GRM5: variants seen among roughly 807,000 people sequenced by gnomAD.
GRM5 encodes the protein metabotropic glutamate receptor 5.
In GRM5, 19 loss-of-function variants were observed where a neutral mutation model predicts 83.1. The observed-to-expected ratio is 0.23, with a 90% CI of 0.16 to 0.34. The LOEUF is 0.34. Among genes scored for constraint, GRM5 ranks in the 10% least tolerant of loss-of-function variants. GRM5 has a pLI of 1.00. For missense variants in GRM5, 1,160 were observed against 1,588.3 expected, an observed-to-expected ratio of 0.73 and a Z score of 4.58; for synonymous variants, 675 against 633.6, an observed-to-expected ratio of 1.07 and a Z score of -0.98.
chr11:88,985,197 C>T (rs909074516), intron 2 of GRM5, among the ~76,000 whole-genome samples: 2 of 152,168 alleles, frequency 1.3e-5, no homozygotes, highest in South Asian at 4.1e-4. Flanking sequence ...TATTTTCATA[C>T]CCACAATCCT....
intron 8 of GRM5, among the ~76,000 whole-genome samples, chr11:88,556,997 C>T (rs752742494): frequency 6.6e-6 from 1 of 152,054 alleles, no homozygotes; most frequent in African/African-American, 2.4e-5. Flanking sequence ...CCTTATTTAT[C>T]AACAGTAACA....
intron 2 of GRM5, among the ~76,000 whole-genome samples, chr11:88,983,864 T>A (rs1028066085): frequency 1.3e-5 from 2 of 152,062 alleles, no homozygotes; most frequent in African/African-American, 4.8e-5. Flanking sequence ...GACAGTGATA[T>A]TTACAGGTCC....
intron 2 of GRM5, among the ~76,000 whole-genome samples, chr11:88,896,471 A>G (rs1945229499): frequency 1.3e-5 from 2 of 148,762 alleles, no homozygotes; most frequent in Non-Finnish European, 3.0e-5. Flanking sequence ...ACAGAGAATC[A>G]GAAGCAATAG....
At chr11:88,591,190 G>C (rs1226417035) in intron 6 of GRM5, among the ~76,000 whole-genome samples, 1 of 152,100 alleles carries the variant, frequency 6.6e-6, no homozygotes, top group East Asian at 1.9e-4. Flanking sequence ...TCTAAAATCT[G>C]TCCATATTGA....
At chr11:89,024,923 G>C (rs1941092916) in intron 2 of GRM5, among the ~76,000 whole-genome samples, 1 of 152,086 alleles carries the variant, frequency 6.6e-6, no homozygotes, top group African/African-American at 2.4e-5. Flanking sequence ...GTAATCAAAT[G>C]AGCTCTACAC....
chr11:89,057,729 T>A (rs1941907805), intron 1 of GRM5, among the ~76,000 whole-genome samples: 6 of 152,166 alleles, frequency 3.9e-5, no homozygotes, highest in Admixed American at 3.9e-4. Context: ...AGGGTATACC[T>A]CTGAAGACTG....
chr11:88,640,235 A>G (rs1396303761), intron 4 of GRM5, among the ~76,000 whole-genome samples: 1 of 152,122 alleles, frequency 6.6e-6, no homozygotes, highest in Non-Finnish European at 1.5e-5. Context: ...TGATCGGGAT[A>G]TTTTACTACA....
chr11:88,870,678 G>A (rs1944750913), intron 2 of GRM5, among the ~76,000 whole-genome samples: 1 of 151,570 alleles, frequency 6.6e-6, no homozygotes, highest in Non-Finnish European at 1.5e-5. Flanking sequence ...GTGTTCCATT[G>A]TGGACACATG....
Position 88,981,175 on chromosome 11 carries a change from A to G in GRM5, c.661+66037T>C, listed in dbSNP as rs183736986. Among the ~76,000 whole-genome samples, 549 of 152,286 alleles carry G rather than the reference A, an allele frequency of 3.6e-3. 1 individual carries two copies. Among genetic ancestry groups the G allele is most frequent in the Non-Finnish European group, 5.9e-3 (404 of 68,030 alleles). ...TGCTTTCTTTCATTTGGCTTCATCA[A>G]TATATGCACGTGTTTGTTCTATGCC... On this transcript the variant is annotated intron_variant, in intron 2 of 9. Transcript: ENST00000305447.
chr11:89,016,250 T>C (rs1940852360), intron 2 of GRM5, among the ~76,000 whole-genome samples: 1 of 149,564 alleles, frequency 6.7e-6, no homozygotes, highest in Admixed American at 6.7e-5. Flanking sequence ...TATTTGTGCT[T>C]ATCTATAACA....
chr11:88,907,898 C>G (rs1320637185), intron 2 of GRM5, among the ~76,000 whole-genome samples: 1 of 152,062 alleles, frequency 6.6e-6, no homozygotes, highest in Non-Finnish European at 1.5e-5. Context: ...TAAATGGTAG[C>G]TTTAAAAACA....
intron 3 of GRM5, among the ~76,000 whole-genome samples, chr11:88,790,731 A>G (rs1244977520): frequency 6.6e-6 from 1 of 152,134 alleles, no homozygotes; most frequent in African/African-American, 2.4e-5. Flanking sequence ...AACAGAGGTA[A>G]TGGTTTGAAA....
chr11:88,741,388 T>C (rs1452924391), intron 3 of GRM5, among the ~76,000 whole-genome samples: 1 of 152,082 alleles, frequency 6.6e-6, no homozygotes, highest in Admixed American at 6.6e-5. Flanking sequence ...AGGCCTACAG[T>C]GATTAGACTT....
At chr11:88,768,459 T>A (rs1942665491) in intron 3 of GRM5, among the ~76,000 whole-genome samples, 1 of 151,836 alleles carries the variant, frequency 6.6e-6, no homozygotes, top group African/African-American at 2.4e-5. Flanking sequence ...GAATGGATAG[T>A]TACTGTTTAA....
intron 2 of GRM5, among the ~76,000 whole-genome samples, chr11:89,042,122 G>A (rs1196066136): frequency 6.6e-6 from 1 of 152,088 alleles, no homozygotes; most frequent in African/African-American, 2.4e-5. Context: ...TTGGCTCACT[G>A]CAACCTCCAC....
chr11:88,878,277 G>A (rs944273518), intron 2 of GRM5, among the ~76,000 whole-genome samples: 10 of 152,128 alleles, frequency 6.6e-5, no homozygotes, highest in African/African-American at 2.4e-4. Flanking sequence ...TTGCATTTTG[G>A]TATTGCAGTT....
intron 9 of GRM5, among the ~76,000 whole-genome samples, chr11:88,513,119 A>G (rs1941425228): frequency 6.6e-6 from 1 of 151,884 alleles, no homozygotes. Flanking sequence ...TTTTACCTTA[A>G]TTGTCTTGTC....
At chr11:88,661,576 G>C (rs1321991002) in intron 3 of GRM5, among the ~76,000 whole-genome samples, 1 of 151,660 alleles carries the variant, frequency 6.6e-6, no homozygotes, top group Non-Finnish European at 1.5e-5. Context: ...CAGATATTTT[G>C]GGATTTTAAA....
intron 3 of GRM5, among the ~76,000 whole-genome samples, chr11:88,680,834 G>T (rs1353027217): frequency 6.6e-6 from 1 of 152,050 alleles, no homozygotes. Context: ...GGTCTAAAAA[G>T]CCCTCTGAAA....
Sources: gnomAD v4.1 joint callset for allele counts (sites outside exome capture counted in the v4.1 genomes callset) on GRCh38, gnomAD v4.1.1 for gene constraint, MANE v1.5 for transcripts, NCBI Gene and HGNC (gene_info 2026-07-23, HGNC 2026-07-21) for gene names.